DISP2: variants seen among roughly 807,000 people sequenced by gnomAD.
The protein encoded by DISP2 is dispatched RND transporter family member 2.
DISP2 carries 59 observed loss-of-function variants against 95.5 expected under a neutral mutation model. The ratio of observed to expected loss-of-function variants is 0.62; its 90% confidence interval spans 0.50 to 0.77. The LOEUF is 0.77. Ranked by LOEUF, DISP2 falls within the 30% of genes least tolerant of loss-of-function variation. DISP2 has a pLI of 0.00. For synonymous variants in DISP2, 827 were observed against 815.0 expected, an observed-to-expected ratio of 1.01 and a Z score of -0.25; for missense variants, 1,752 against 1,854.6, an observed-to-expected ratio of 0.94 and a Z score of 1.02.
At chr15:40,362,940 A>G in intron 1 of DISP2, among the ~76,000 whole-genome samples, 1 of 152,238 alleles carries the variant, frequency 6.6e-6, no homozygotes, top group East Asian at 1.9e-4. Flanking sequence ...CCAGCTCTTC[A>G]TCTGTCACTG....
rs749908044 is a variant in DISP2 at position 40,368,360 on chromosome 15, G to C, written c.2248G>C (p.Asp750His). The change falls in exon 8 of 8, where the codon GAC (aspartate) becomes CAC (histidine). Residue 750 changes from aspartate (D) to histidine (H), a missense_variant. Asp to His is a moderately conservative substitution (Grantham distance 81). Transcript: ENST00000267889. Reference protein sequence around the residue: ...FRPSHPFERFDAEYRQLFLFE... With the variant: ...FRPSHPFERFHAEYRQLFLFE... Reference sequence around the variant, plus strand: ...GCCCAGCCACCCCTTCGAGCGCTTCGACGCGGAGTATCGCCAGCTGTTCCT... The same window carrying C: ...GCCCAGCCACCCCTTCGAGCGCTTCCACGCGGAGTATCGCCAGCTGTTCCT... 7.5e-6 allele frequency: 12 copies of C among 1,606,376 alleles called. No homozygotes were observed. In the Admixed American group the frequency reaches 1.7e-4, roughly 22 times the overall value.
rs766524263 is a variant in DISP2, at chr15:40,367,903, C to T, written c.1791C>T (p.Gly597=). Residue 597 remains glycine (G), a synonymous_variant, in exon 8 of 8, where the codon GGC becomes GGT. Transcript: ENST00000267889. ...TCGGCTACCTGCTGCTGGTCTCCGG[C>T]CTCACCACGAGCGCGGCCTTCTATG... The part of the protein sequence containing the change: ...HHFGYLLLVS[G]LTTSAAFYAS... 8 of 1,597,808 alleles carry T rather than the reference C, an allele frequency of 5.0e-6. No individual in the cohort carries two copies. In the South Asian group the frequency reaches 7.7e-5, roughly 15 times the overall value.
At chr15:40,364,162 C>G (rs148223732) in intron 2 of DISP2, 64 bp from the exon 3 acceptor site, 1 of 1,609,398 alleles carries the variant, frequency 6.2e-7, no homozygotes, top group African/African-American at 1.3e-5. Flanking sequence ...CCCACCTCCA[C>G]CCCCAACACA....
In DISP2 at chr15:40,372,037, C is replaced by T. The variant is rs1377932176; in HGVS notation, c.*1719C>T. ...TCAGACTGGAAGGGGCCTTGGCGATCGTTTATTCCAGCAGTTTTCAAATTT... is the reference window on the plus strand; with the variant it reads ...TCAGACTGGAAGGGGCCTTGGCGATTGTTTATTCCAGCAGTTTTCAAATTT... On this transcript the variant is annotated 3_prime_UTR_variant, in exon 8 of 8. Transcript: ENST00000267889. 1.3e-5 allele frequency: 2 copies of T among 152,166 alleles called. No homozygotes were observed. Among genetic ancestry groups the T allele is most frequent in the Non-Finnish European group, 2.9e-5 (2 of 68,024 alleles). 9.4% of individuals were successfully genotyped at this position (152,166 alleles called of 1,614,324 possible).
chr15:40,376,149 G>A lies in DISP2; in HGVS notation c.*5831G>A, dbSNP rs1889729277. 6.6e-6 allele frequency: 1 copy of A among 151,622 alleles called. No homozygotes were observed. The highest frequency in any genetic ancestry group is 6.6e-5 in the Admixed American group (1 of 15,254). The allele number at this position is 151,622 out of a possible 1,614,324, so 9.4% of individuals were successfully genotyped here. On this transcript the variant is annotated 3_prime_UTR_variant, in exon 8 of 8. Transcript: ENST00000267889. Reference sequence around the variant, plus strand: ...AAATATATAAATATATATTAAAAAGGAAAAAATAATAAAAATTTTTAAAAA... The same window carrying A: ...AAATATATAAATATATATTAAAAAGAAAAAAATAATAAAAATTTTTAAAAA...
Position 40,363,966 on chromosome 15 carries a change from T to C in DISP2, c.449+12T>C. The C allele has an allele frequency of 6.6e-7, 1 of 1,517,336 alleles. No individual in the cohort carries two copies. Among genetic ancestry groups the C allele is most frequent in the Non-Finnish European group, 8.8e-7 (1 of 1,137,096 alleles). 94.0% of individuals were successfully genotyped at this position (1,517,336 alleles called of 1,614,324 possible). A position where few individuals can be genotyped will look rare whatever the true frequency, so the allele number is the denominator to read the frequency against. On this transcript the variant is annotated intron_variant, in intron 2 of 7. Transcript: ENST00000267889. ...GTGGTCAGCGTCAGGTAAGGAGGGGTCCAGCAGCCTGCCAGCTGCCACTGG... is the reference window on the plus strand; with the variant it reads ...GTGGTCAGCGTCAGGTAAGGAGGGGCCCAGCAGCCTGCCAGCTGCCACTGG...
chr15:40,375,483 T>C lies in DISP2; in HGVS notation c.*5165T>C, dbSNP rs532891428. ...TTGATTATTTGTATTGACTCTTTTATATTTTCTCCACCTTCCTCAAATATC... is the reference window on the plus strand; with the variant it reads ...TTGATTATTTGTATTGACTCTTTTACATTTTCTCCACCTTCCTCAAATATC... On this transcript the variant is annotated 3_prime_UTR_variant, in exon 8 of 8. Transcript: ENST00000267889. The C allele has an allele frequency of 6.6e-6, 1 of 151,822 alleles. No homozygotes were observed. Among genetic ancestry groups the C allele is most frequent in the South Asian group, 2.1e-4 (1 of 4,802 alleles). The allele number at this position is 151,822 out of a possible 1,614,324, so 9.4% of individuals were successfully genotyped here. A position where few individuals can be genotyped will look rare whatever the true frequency, so the allele number is the denominator to read the frequency against.
Position 40,368,014 on chromosome 15 carries a change from G to A in DISP2, c.1902G>A (p.Leu634=). ...TGCTGGTGCACCTGGCGCTCACGCT[G>A]GTCTGGCTGCCCGCCTCCGCCGTGC... ...TAVLVHLALT[L]VWLPASAVLH... The change falls in exon 8 of 8, where the codon CTG becomes CTA. Residue 634 remains leucine, a synonymous_variant. Transcript: ENST00000267889. The A allele has an allele frequency of 6.5e-7, 1 of 1,535,560 alleles. No homozygotes were observed. The highest frequency in any genetic ancestry group is 1.2e-5 in the South Asian group (1 of 84,372).
In DISP2 at chr15:40,370,282, C is replaced by G; in HGVS notation, c.4170C>G (p.Arg1390=). 1 of 1,556,640 alleles carries G rather than the reference C, an allele frequency of 6.4e-7. No homozygotes were observed. Among genetic ancestry groups the G allele is most frequent in the Non-Finnish European group, 8.7e-7 (1 of 1,150,534 alleles). Reference sequence around the variant, plus strand: ...CAGACCTGCCAGATGTTTGGCTGCGCAGGCCCAGCACTCACACGTCAGGCT... The same window carrying G: ...CAGACCTGCCAGATGTTTGGCTGCGGAGGCCCAGCACTCACACGTCAGGCT... ...SQPDLPDVWL[R]RPSTHTSGYS... Residue 1390 remains arginine, a synonymous_variant, in exon 8 of 8, where the codon CGC becomes CGG. Transcript: ENST00000267889.
intron 7 of DISP2, 67 bp from the exon 8 acceptor site, chr15:40,366,991 A>G: frequency 6.4e-7 from 1 of 1,570,754 alleles, no homozygotes; most frequent in Non-Finnish European, 8.6e-7. Context: ...AGAGCCTTGT[A>G]TAGGACTGGG....
At position 40,368,731 on chromosome 15, in the gene DISP2, C is replaced by T. The variant is rs960071970; in HGVS notation, c.2619C>T (p.His873=). The stretch of plus-strand genomic sequence containing the variant: ...CCTGGGCCCCCCAGTTTTTCCTGCA[C>T]TGCCTGAAAATGATGGCTCTGGAGC... The part of the protein sequence containing the change: ...DFPWAPQFFL[H]CLKMMALEQG... Residue 873 remains histidine (H), a synonymous_variant, in exon 8 of 8, where the codon CAC becomes CAT. Transcript: ENST00000267889. The T allele has an allele frequency of 1.2e-6, 2 of 1,613,568 alleles. No individual in the cohort carries two copies. The highest frequency in any genetic ancestry group is 2.2e-5 in the East Asian group (1 of 44,894).
chr15:40,365,396 A>C (rs1889481236), intron 6 of DISP2, 122 bp downstream of exon 6: 4 of 1,470,676 alleles, frequency 2.7e-6, no homozygotes, highest in Middle Eastern at 3.9e-4. Context: ...GGCCACAGTC[A>C]AGCCAAGGAA....
Position 40,367,856 on chromosome 15 carries a change from G to A in DISP2, c.1744G>A (p.Val582Met), listed in dbSNP as rs376930538. 1.2e-6 allele frequency: 2 copies of A among 1,600,118 alleles called. No homozygotes were observed. Among genetic ancestry groups the A allele is most frequent in the Non-Finnish European group, 1.7e-6 (2 of 1,179,816 alleles). The change falls in exon 8 of 8, where the codon GTG becomes ATG. Residue 582 changes from valine to methionine, a missense_variant. Physicochemically the swap from Val to Met is conservative, Grantham distance 21. Around this residue, in one of 5 missense-constraint regions of DISP2, gnomAD observed 732 missense variants for 714.6 expected, o/e 1.02. Transcript: ENST00000267889. Reference sequence around the variant, plus strand: ...GCCGTCGGGGGGGCTGGCGCAGCGCGTGGGCCGCACCATGCACCACTTCGG... The same window carrying A: ...GCCGTCGGGGGGGCTGGCGCAGCGCATGGGCCGCACCATGCACCACTTCGG... The part of the protein sequence containing the change: ...QLPSGGLAQR[V>M]GRTMHHFGYL...
chr15:40,358,402 G>C lies in DISP2; in HGVS notation c.81G>C (p.Glu27Asp). The change falls in exon 1 of 8, where the codon GAG becomes GAC. Residue 27 changes from glutamate to aspartate, a missense_variant. Coordinates refer to ENST00000267889, the MANE Select transcript of DISP2 (RefSeq NM_033510.3). Reference protein sequence around the residue: ...GPGPEGEQRPEGEPLAPDGGS... With the variant: ...GPGPEGEQRPDGEPLAPDGGS... ...GTCCGGAAGGGGAGCAACGGCCCGA[G>C]GGGGAGCCCTTGGCCCCAGACGGCG... The C allele has an allele frequency of 1.5e-6, 2 of 1,348,606 alleles. No homozygotes were observed. The highest frequency in any genetic ancestry group is 1.9e-6 in the Non-Finnish European group (2 of 1,054,156). The allele number at this position is 1,348,606 out of a possible 1,614,324, so 83.5% of individuals were successfully genotyped here.
At position 40,368,942 on chromosome 15, in the gene DISP2, C is replaced by G; in HGVS notation, c.2830C>G (p.Arg944Gly). The change falls in exon 8 of 8, where the codon CGT becomes GGT. Residue 944 changes from arginine (R) to glycine (G), a missense_variant. Transcript: ENST00000267889. ...GGGCATGGCACCTCCAGGCCTCCGC[C>G]GTGGTTGGTTCACTAGCCGTCTAGA... The part of the protein sequence containing the change: ...ELGMAPPGLR[R>G]GWFTSRLELY... 1 of 1,613,944 alleles carries G rather than the reference C, an allele frequency of 6.2e-7. No individual in the cohort carries two copies. The highest frequency in any genetic ancestry group is 1.1e-5 in the South Asian group (1 of 91,086).
intron 1 of DISP2, among the ~76,000 whole-genome samples, chr15:40,363,017 A>G (rs1889428937): frequency 6.6e-6 from 1 of 152,158 alleles, no homozygotes; most frequent in South Asian, 2.1e-4. Context: ...GGAGTGAGTA[A>G]GATCGGCTGG....
chr15:40,366,965 T>C, intron 7 of DISP2, 93 bp from the exon 8 acceptor site: 1 of 1,493,306 alleles, frequency 6.7e-7, no homozygotes, highest in Non-Finnish European at 9.0e-7. Flanking sequence ...TGCCCTGTAG[T>C]GTGAAAGGAG....
intron 7 of DISP2, 116 bp from the exon 8 acceptor site, chr15:40,366,942 C>A: frequency 7.4e-7 from 1 of 1,354,698 alleles, no homozygotes; most frequent in Non-Finnish European, 9.9e-7. Flanking sequence ...CTGTCAAGAT[C>A]CCTCTCTGCG....
In DISP2 at chr15:40,367,218, G is replaced by A. The variant is rs201542979; in HGVS notation, c.1106G>A (p.Arg369Gln). The change falls in exon 8 of 8, where the codon CGG (arginine) becomes CAG (glutamine). Residue 369 changes from arginine (R) to glutamine (Q), a missense_variant. Transcript: ENST00000267889. ...ADAARTLALL[R>Q]TCALYYHSGA... ...GCAGCCCGCACACTGGCCCTGCTTC[G>A]GACCTGTGCCCTCTACTACCACAGT... 6.2e-6 allele frequency: 10 copies of A among 1,613,804 alleles called. No individual in the cohort carries two copies. Among genetic ancestry groups the A allele is most frequent in the Non-Finnish European group, 7.6e-6 (9 of 1,179,990 alleles).
Sources: gnomAD v4.1 joint callset for allele counts (sites outside exome capture counted in the v4.1 genomes callset) on GRCh38, gnomAD v4.1.1 for gene constraint, gnomAD v4.1.1 regional missense constraint, MANE v1.5 for transcripts, NCBI Gene and HGNC (gene_info 2026-07-23, HGNC 2026-07-21) for gene names.